The following GABRP variants were observed in gnomAD, a reference collection of about 807,000 sequenced individuals.
GABRP encodes gamma-aminobutyric acid receptor subunit pi.
In GABRP, 52 loss-of-function variants were observed where a neutral mutation model predicts 47.8. The ratio of observed to expected loss-of-function variants is 1.09; its 90% confidence interval spans 0.87 to 1.37. The LOEUF (loss-of-function observed/expected upper bound fraction) is 1.37. Among genes scored for constraint, GABRP ranks in the 40% most tolerant of loss-of-function variants. The pLI, the probability that GABRP is intolerant of heterozygous loss-of-function variation, is 0.00. For missense variants in GABRP, 525 were observed against 542.8 expected, an observed-to-expected ratio of 0.97 and a Z score of 0.33; for synonymous variants, 221 against 205.8, an observed-to-expected ratio of 1.07 and a Z score of -0.63.
chr5:170,812,060 C>T lies in GABRP; in HGVS notation c.1125C>T (p.Ser375=), dbSNP rs202237766. 118 of 1,614,108 alleles carry T rather than the reference C, an allele frequency of 7.3e-5. No individual in the cohort carries two copies. Among genetic ancestry groups the T allele is most frequent in the Non-Finnish European group, 8.6e-5 (102 of 1,180,020 alleles). The part of the protein sequence containing the change: ...KISFASIEIS[S]DNVDYSDLTM... ...GCTTTGCCAGCATTGAAATTTCCAG[C>T]GACAACGTTGACTACAGTGACTTGA... is the stretch of plus-strand genomic sequence containing the variant. Residue 375 remains serine (S), a synonymous_variant, in exon 10 of 10, where the codon AGC becomes AGT. Transcript: ENST00000265294.
At position 170,812,823 on chromosome 5, in the gene GABRP, C is replaced by A. The variant is rs1765927841; in HGVS notation, c.*565C>A. The A allele has an allele frequency of 6.6e-6, 1 of 152,194 alleles. No homozygotes were observed. Among genetic ancestry groups the A allele is most frequent in the African/African-American group, 2.4e-5 (1 of 41,366 alleles). The allele number at this position is 152,194 out of a possible 1,614,324, so 9.4% of individuals were successfully genotyped here. ...TTTAAATAATGAATATTATTTAATA[C>A]CACAACAGAATTATCCCCAATTTCC... On this transcript the variant is annotated 3_prime_UTR_variant, in exon 10 of 10. Coordinates refer to ENST00000265294, the MANE Select transcript of GABRP (RefSeq NM_014211.3).
At position 170,806,731 on chromosome 5, in the gene GABRP, C is replaced by T. The variant is rs182681496; in HGVS notation, c.679+878C>T. ...TGCTGGAATTACAGGCATGAGCCAC[C>T]GCGCCCGGCCTACTGTGTATTTTAG... On this transcript the variant is annotated intron_variant, in intron 7 of 9. Coordinates refer to ENST00000265294, the MANE Select transcript of GABRP (RefSeq NM_014211.3). Among the ~76,000 whole-genome samples the T allele has an allele frequency of 5.1e-3, 772 of 152,184 alleles. 2 individuals carry two copies. Among genetic ancestry groups the T allele is most frequent in the Non-Finnish European group, 9.2e-3 (627 of 68,016 alleles).
intron 6 of GABRP, 66 bp from the exon 7 acceptor site, chr5:170,805,650 T>A (rs765240928): frequency 1.7e-5 from 27 of 1,570,088 alleles, no homozygotes; most frequent in Non-Finnish European, 2.3e-5. Context: ...TTATAGCATT[T>A]TCCAGACCAG....
chr5:170,792,989 G>A (rs1179479758), intron 3 of GABRP, among the ~76,000 whole-genome samples: 1 of 152,160 alleles, frequency 6.6e-6, no homozygotes, highest in Non-Finnish European at 1.5e-5. Flanking sequence ...ACGGAAGAGA[G>A]GGGGAAGGGA....
chr5:170,812,041 C>G lies in GABRP; in HGVS notation c.1106C>G (p.Ala369Gly). Residue 369 changes from alanine (A) to glycine (G), a missense_variant, in exon 10 of 10, where the codon GCC becomes GGC. Coordinates refer to ENST00000265294, the MANE Select transcript of GABRP (RefSeq NM_014211.3). Reference protein sequence around the residue: ...ISSFKRKISFASIEISSDNVD... With the variant: ...ISSFKRKISFGSIEISSDNVD... ...AGCTTTAAACGGAAGATCAGCTTTG[C>G]CAGCATTGAAATTTCCAGCGACAAC... 3.1e-6 allele frequency: 5 copies of G among 1,614,138 alleles called. No homozygotes were observed. The highest frequency in any genetic ancestry group is 4.2e-6 in the Non-Finnish European group (5 of 1,180,004).
At chr5:170,798,484 C>T (rs754313145) in intron 6 of GABRP, among the ~76,000 whole-genome samples, 2 of 152,126 alleles carry the variant, frequency 1.3e-5, no homozygotes, top group Non-Finnish European at 2.9e-5. Context: ...AAAAACATTT[C>T]GGTGACAACA....
Position 170,813,977 on chromosome 5 carries a change from G to A in GABRP, c.*1719G>A, listed in dbSNP as rs1029082365. On this transcript the variant is annotated 3_prime_UTR_variant, in exon 10 of 10. Transcript: ENST00000265294. ...TGTTCTGAAACCCCACTTAAGCATT[G>A]TTTTTATATAAAAACAATGATAAAG... 1.3e-5 allele frequency: 2 copies of A among 152,008 alleles called. No individual in the cohort carries two copies. The highest frequency in any genetic ancestry group is 4.8e-5 in the African/African-American group (2 of 41,374). The allele number at this position is 152,008 out of a possible 1,614,324, so 9.4% of individuals were successfully genotyped here.
rs138553703 is a variant in GABRP at position 170,805,751 on chromosome 5, C to G, written c.577C>G (p.Leu193Val). 100 of 1,614,038 alleles carry G rather than the reference C, an allele frequency of 6.2e-5. No homozygotes were observed. The highest frequency in any genetic ancestry group is 1.0e-4 in the Admixed American group (6 of 59,988). Residue 193 changes from leucine to valine, a missense_variant, in exon 7 of 10, where the codon CTG becomes GTG. By Grantham distance (32) the Leu-to-Val change is conservative (BLOSUM62 1). Coordinates refer to ENST00000265294, the MANE Select transcript of GABRP (RefSeq NM_014211.3). ...YDGNDVEFTWLRGNDSVRGLE... is the reference protein window; with the variant it reads ...YDGNDVEFTWVRGNDSVRGLE... Reference sequence around the variant, plus strand: ...TGGAAATGATGTGGAGTTCACCTGGCTGAGAGGGAACGACTCTGTGCGTGG... The same window carrying G: ...TGGAAATGATGTGGAGTTCACCTGGGTGAGAGGGAACGACTCTGTGCGTGG...
In GABRP at chr5:170,789,250, A is replaced by G. The variant is rs1357221196; in HGVS notation, c.172+3A>G. 6.3e-7 allele frequency: 1 copy of G among 1,585,868 alleles called. No homozygotes were observed. The highest frequency in any genetic ancestry group is 8.7e-7 in the Non-Finnish European group (1 of 1,154,528). On this transcript the variant is annotated splice_donor_region_variant and intron_variant, in intron 3 of 9. Coordinates refer to ENST00000265294, the MANE Select transcript of GABRP (RefSeq NM_014211.3). ...ATTTCTCAGGCCCAATTTTGGTGGT[A>G]GGTCATCCTCTGTGTCCAGGACATC...
At chr5:170,799,171 A>C (rs528516024) in intron 6 of GABRP, among the ~76,000 whole-genome samples, 6 of 152,272 alleles carry the variant, frequency 3.9e-5, no homozygotes, top group African/African-American at 1.4e-4. Flanking sequence ...TTCTTAATCC[A>C]GTCTATCATT....
At chr5:170,801,863 G>C (rs71592508) in intron 6 of GABRP, among the ~76,000 whole-genome samples, 5 of 150,524 alleles carry the variant, frequency 3.3e-5, no homozygotes, top group Non-Finnish European at 7.4e-5. Context: ...AATGGGGGGG[G>C]GGTCAGAGTT....
chr5:170,788,408 G>A, intron 1 of GABRP, 166 bp from the exon 2 acceptor site: 2 of 494,370 alleles, frequency 4.0e-6, no homozygotes, highest in Non-Finnish European at 7.1e-6. Flanking sequence ...GTCATTCCTG[G>A]AGGGAACACA....
At chr5:170,788,943 G>A (rs1765194183) in intron 2 of GABRP, among the ~76,000 whole-genome samples, 186 bp from the exon 3 acceptor site, 1 of 152,162 alleles carries the variant, frequency 6.6e-6, no homozygotes, top group Non-Finnish European at 1.5e-5. Context: ...TGGCAAATGG[G>A]TAAAAAATGG....
Position 170,794,304 on chromosome 5 carries a change from C to T in GABRP, c.240+6C>T, listed in dbSNP as rs367788211. 2.3e-5 allele frequency: 37 copies of T among 1,595,188 alleles called. No homozygotes were observed. The highest frequency in any genetic ancestry group is 1.2e-4 in the African/African-American group (9 of 72,710). ...GCATTTCAGAGAGTAACATGGTAAGCGCTGTTCCTTTGTACTCTACCCAAG... is the reference window on the plus strand; with the variant it reads ...GCATTTCAGAGAGTAACATGGTAAGTGCTGTTCCTTTGTACTCTACCCAAG... On this transcript the variant is annotated splice_donor_region_variant and intron_variant, in intron 4 of 9. Coordinates refer to ENST00000265294, the MANE Select transcript of GABRP (RefSeq NM_014211.3).
Position 170,795,178 on chromosome 5 carries a change from C to A in GABRP, c.241-30C>A, listed in dbSNP as rs779382665. On this transcript the variant is annotated intron_variant, in intron 4 of 9. Coordinates refer to ENST00000265294, the MANE Select transcript of GABRP (RefSeq NM_014211.3). ...GGGTTTTCTCACCCACTACCCCCATCCATTTCCATACCCTGCCTCCCCCTC... is the reference window on the plus strand; with the variant it reads ...GGGTTTTCTCACCCACTACCCCCATACATTTCCATACCCTGCCTCCCCCTC... 2.0e-6 allele frequency: 3 copies of A among 1,526,962 alleles called. No homozygotes were observed. The South Asian group carries it at 3.4e-5, about 17-fold the overall frequency. The allele number at this position is 1,526,962 out of a possible 1,614,324, so 94.6% of individuals were successfully genotyped here.
intron 6 of GABRP, among the ~76,000 whole-genome samples, chr5:170,803,900 C>T (rs1434618816): frequency 1.3e-5 from 2 of 152,010 alleles, no homozygotes; most frequent in Non-Finnish European, 2.9e-5. Flanking sequence ...TCTCAGCCTC[C>T]CAAGTAGCTG....
upstream of GABRP, among the ~76,000 whole-genome samples, chr5:170,783,141 TC>T (rs1765048983): frequency 6.6e-6 from 1 of 152,092 alleles, no homozygotes; most frequent in East Asian, 1.9e-4. Flanking sequence ...TCTCTGTGTC[TC>T]CCCGCCTCCT....
At chr5:170,809,776 G>A (rs1561816436) in intron 9 of GABRP, 21 bp downstream of exon 9, 2 of 1,569,102 alleles carry the variant, frequency 1.3e-6, no homozygotes, top group African/African-American at 1.4e-5. Context: ...TGAGGGCCCT[G>A]TGTATGATCC....
intron 6 of GABRP, among the ~76,000 whole-genome samples, chr5:170,800,775 A>G (rs769618493): frequency 3.9e-5 from 6 of 152,114 alleles, no homozygotes; most frequent in Non-Finnish European, 7.3e-5. Flanking sequence ...GTGAAACCCC[A>G]TCTCTACTAA....
Sources: gnomAD v4.1 joint callset for allele counts (sites outside exome capture counted in the v4.1 genomes callset) on GRCh38, gnomAD v4.1.1 for gene constraint, MANE v1.5 for transcripts, NCBI Gene and HGNC (gene_info 2026-07-23, HGNC 2026-07-21) for gene names.